RHBDL3: variants seen among roughly 807,000 people sequenced by gnomAD.
RHBDL3 encodes the protein rhomboid like 3.
In RHBDL3, 28 loss-of-function variants were observed where a neutral mutation model predicts 48.2. The ratio of observed to expected loss-of-function variants is 0.58; its 90% CI spans 0.43 to 0.80. The LOEUF (loss-of-function observed/expected upper bound fraction) is 0.80. Among genes scored for constraint, RHBDL3 ranks in the 30% least tolerant of loss-of-function variants. The probability of loss-of-function intolerance (pLI) is 0.00; values close to 1 mark genes in which losing one functional copy is unlikely to be tolerated. For missense variants in RHBDL3, 464 were observed against 542.7 expected, an observed-to-expected ratio of 0.85 and a Z score of 1.44; for synonymous variants, 208 against 232.3, an observed-to-expected ratio of 0.90 and a Z score of 0.95.
intron 7 of RHBDL3, among the ~76,000 whole-genome samples, chr17:32,308,522 G>A (rs1426048324): frequency 6.6e-6 from 1 of 152,144 alleles, no homozygotes; most frequent in East Asian, 1.9e-4. Context: ...CTGGAGGCTG[G>A]CTGAGATCAC....
chr17:32,290,787 G>C (rs1412355310), intron 4 of RHBDL3, among the ~76,000 whole-genome samples: 7 of 152,084 alleles, frequency 4.6e-5, no homozygotes, highest in African/African-American at 1.7e-4. Context: ...AGGATCTCTT[G>C]AGCCCAGGAA....
intron 2 of RHBDL3, among the ~76,000 whole-genome samples, chr17:32,271,385 C>CTGATATTATAATTTATAATTT (rs1292746561): frequency 3.7e-4 from 56 of 152,272 alleles, no homozygotes; most frequent in African/African-American, 1.3e-3. Context: ...TAATTTTGCA[C>CTGATATTATAATTTATAATTT]AGGTAATGTC....
chr17:32,265,987 G>T lies in RHBDL3; in HGVS notation c.-203G>T, dbSNP rs911334408. On this transcript the variant is annotated 5_prime_UTR_variant, in exon 1 of 9. Transcript: ENST00000269051. ...GCGCAGTGAAGTTTGGCGGCGGAGGGGCCGGGCGTCCCGGGGTCGCGAGGA... is the reference window on the plus strand; with the variant it reads ...GCGCAGTGAAGTTTGGCGGCGGAGGTGCCGGGCGTCCCGGGGTCGCGAGGA... 3.7e-4 allele frequency among the ~76,000 whole-genome samples: 54 copies of T among 146,708 alleles called. No individual in the cohort carries two copies. The highest frequency in any genetic ancestry group is 1.3e-3 in the African/African-American group (53 of 41,018).
At chr17:32,267,430 T>TGGGG (rs200339559) in intron 1 of RHBDL3, among the ~76,000 whole-genome samples, 7 of 120,732 alleles carry the variant, frequency 5.8e-5, no homozygotes, top group African/African-American at 1.4e-4. Context: ...TGAGTTCTCC[T>TGGGG]GGGGGGGGAG....
chr17:32,318,333 AAAAAAAG>A (rs1450165973), intron 8 of RHBDL3, among the ~76,000 whole-genome samples: 1 of 150,072 alleles, frequency 6.7e-6, no homozygotes, highest in Non-Finnish European at 1.5e-5. Context: ...CTTAAAAAAA[AAAAAAAG>A]AAAAGAAAAG....
At position 32,294,815 on chromosome 17, in the gene RHBDL3, C is replaced by T. The variant is rs183393668; in HGVS notation, c.668+373C>T. On this transcript the variant is annotated intron_variant, in intron 5 of 8. Coordinates refer to ENST00000269051, the MANE Select transcript of RHBDL3 (RefSeq NM_138328.3). ...GGAGTCAAGCCACCAGATTTATTGT[C>T]CATAACTGTGTGTGAGTGCCTCCCA... is the stretch of plus-strand genomic sequence containing the variant. 3.9e-3 allele frequency among the ~76,000 whole-genome samples: 588 copies of T among 152,230 alleles called. 1 individual carries two copies. The highest frequency in any genetic ancestry group is 6.3e-3 in the Non-Finnish European group (427 of 68,022).
intron 8 of RHBDL3, among the ~76,000 whole-genome samples, chr17:32,316,704 A>G (rs919194928): frequency 6.6e-6 from 1 of 151,778 alleles, no homozygotes; most frequent in Non-Finnish European, 1.5e-5. Flanking sequence ...TTTGGCAGAG[A>G]TGGGGGTCTT....
At chr17:32,318,068 A>C (rs956661564) in intron 8 of RHBDL3, among the ~76,000 whole-genome samples, 9 of 151,978 alleles carry the variant, frequency 5.9e-5, no homozygotes, top group African/African-American at 2.2e-4. Context: ...AATACAAAAA[A>C]ATTAGCCCGG....
intron 6 of RHBDL3, among the ~76,000 whole-genome samples, chr17:32,300,120 G>A (rs539176951): frequency 5.0e-4 from 76 of 152,302 alleles, no homozygotes; most frequent in African/African-American, 1.6e-3. Flanking sequence ...TAAGTGGCTC[G>A]CCCAAGAAGA....
At chr17:32,279,954 G>C (rs1340849178) in intron 2 of RHBDL3, among the ~76,000 whole-genome samples, 5 of 152,200 alleles carry the variant, frequency 3.3e-5, no homozygotes, top group Non-Finnish European at 5.9e-5. Context: ...CCCAGGAATG[G>C]GTGCAGCATA....
At chr17:32,292,889 C>T (rs2040365430) in intron 4 of RHBDL3, among the ~76,000 whole-genome samples, 1 of 150,800 alleles carries the variant, frequency 6.6e-6, no homozygotes, top group Non-Finnish European at 1.5e-5. Context: ...AGGAAGATCG[C>T]TTGAGCCCAG....
intron 4 of RHBDL3, among the ~76,000 whole-genome samples, chr17:32,292,160 A>T (rs113292250): frequency 0.016 from 2,466 of 152,220 alleles, 66 homozygotes; most frequent in African/African-American, 0.056. Flanking sequence ...GTCCCAGAAA[A>T]AAAAAAGAGT....
chr17:32,298,568 G>T (rs1419773925), intron 6 of RHBDL3, among the ~76,000 whole-genome samples: 1 of 152,230 alleles, frequency 6.6e-6, no homozygotes, highest in African/African-American at 2.4e-5. Flanking sequence ...CTGCCTGTAG[G>T]GTTGCCAGGA....
intron 7 of RHBDL3, among the ~76,000 whole-genome samples, chr17:32,309,729 A>G (rs2040795438): frequency 6.6e-6 from 1 of 151,892 alleles, no homozygotes; most frequent in Non-Finnish European, 1.5e-5. Context: ...AAATATTTCA[A>G]CAAAAGATCT....
In RHBDL3 at chr17:32,298,184, A is replaced by G. The variant is rs1390197162; in HGVS notation, c.761A>G (p.Tyr254Cys). 3 of 1,613,572 alleles carry G rather than the reference A, an allele frequency of 1.9e-6. No individual in the cohort carries two copies. The highest frequency in any genetic ancestry group is 1.1e-5 in the South Asian group (1 of 91,018). Reference protein sequence around the residue: ...VHGATRIGLVYVAGVVAGSLA... With the variant: ...VHGATRIGLVCVAGVVAGSLA... ...GGAGCCACCCGAATTGGGCTTGTCT[A>G]CGTGGCCGGTGTTGTGGCAGGTAGG... The change falls in exon 6 of 9, where the codon TAC becomes TGC. Residue 254 changes from tyrosine (Y) to cysteine (C), a missense_variant. By Grantham distance (194) the Tyr-to-Cys change is radical (BLOSUM62 -2). Transcript: ENST00000269051.
chr17:32,302,270 A>G lies in RHBDL3; in HGVS notation c.782-3071A>G, dbSNP rs555612192. Reference sequence around the variant, plus strand: ...GGCCTTTATTACTGTGTTTATGTGTACACAGCCCCATGTTTGTCTTTGGTC... The same window carrying G: ...GGCCTTTATTACTGTGTTTATGTGTGCACAGCCCCATGTTTGTCTTTGGTC... On this transcript the variant is annotated intron_variant, in intron 6 of 8. Transcript: ENST00000269051. Among the ~76,000 whole-genome samples, 25 of 152,320 alleles carry G rather than the reference A, an allele frequency of 1.6e-4. 1 individual carries two copies. In the South Asian group the frequency reaches 4.8e-3, roughly 29 times the overall value.
At chr17:32,309,746 C>T (rs553041376) in intron 7 of RHBDL3, among the ~76,000 whole-genome samples, 69 of 146,482 alleles carry the variant, frequency 4.7e-4, no homozygotes, top group African/African-American at 1.6e-3. Flanking sequence ...ATCTGGAATG[C>T]AAAAAGCCCT....
chr17:32,294,128 C>CAAA (rs34051934), intron 4 of RHBDL3, among the ~76,000 whole-genome samples, 166 bp from the exon 5 acceptor site: 2,500 of 107,616 alleles, frequency 0.023, 41 homozygotes, highest in Non-Finnish European at 0.036. Context: ...AACTCCATCT[C>CAAA]AAAAAAAAAA....
chr17:32,266,219 G>A lies in RHBDL3; in HGVS notation c.30G>A (p.Ala10=), dbSNP rs2039623987. ...GCGAGCACCCCAGCCCGGGCCCCGC[G>A]GTGGCCGCCTGCGCCGAGGCGGAGC... MGEHPSPGP[A]VAACAEAERI... The change falls in exon 1 of 9, where the codon GCG becomes GCA. Residue 10 remains alanine, a synonymous_variant. Transcript: ENST00000269051. 16 of 1,417,344 alleles carry A rather than the reference G, an allele frequency of 1.1e-5. No individual in the cohort carries two copies. Among genetic ancestry groups the A allele is most frequent in the South Asian group, 1.4e-5 (1 of 69,694 alleles). The allele number at this position is 1,417,344 out of a possible 1,614,324, so 87.8% of individuals were successfully genotyped here. A position where few individuals can be genotyped will look rare whatever the true frequency, so the allele number is the denominator to read the frequency against.
Sources: allele counts gnomAD v4.1 joint callset (sites outside exome capture counted in the v4.1 genomes callset), GRCh38; gene constraint gnomAD v4.1.1; transcripts MANE v1.5; gene names NCBI Gene and HGNC (gene_info 2026-07-23, HGNC 2026-07-21).